The following ZNF460 variants were observed in gnomAD, a reference collection of about 807,000 sequenced individuals.
The protein encoded by ZNF460 is zinc finger protein 460.
A neutral mutation model predicts 8.4 loss-of-function variants in ZNF460; 1 was observed. The observed-to-expected ratio is 0.12, with a 90% CI of 0.04 to 0.56. The LOEUF is 0.56. Ranked by LOEUF, ZNF460 falls within the 20% of genes least tolerant of loss-of-function variation. The probability of loss-of-function intolerance (pLI) is 0.91; values close to 1 mark genes in which losing one functional copy is unlikely to be tolerated. For missense variants in ZNF460, 477 were observed against 714.8 expected (o/e 0.67, Z 3.79); for synonymous variants, 262 against 259.9 (o/e 1.01, Z -0.08).
At chr19:57,281,190 C>T (rs368592849) in intron 1 of ZNF460, among the ~76,000 whole-genome samples, 2 of 152,184 alleles carry the variant, frequency 1.3e-5, no homozygotes, top group African/African-American at 2.4e-5. Context: ...AGCCACCAAC[C>T]TGACCGTGCA....
At position 57,287,018 on chromosome 19, in the gene ZNF460, A is replaced by G. The variant is rs191682320; in HGVS notation, c.157+2341A>G. On this transcript the variant is annotated intron_variant, in intron 2 of 2. Transcript: ENST00000360338. Reference sequence around the variant, plus strand: ...TGAATTTTTGCTTATGTATAAACCCAAGTAACTACCACCTACATCAATACA... The same window carrying G: ...TGAATTTTTGCTTATGTATAAACCCGAGTAACTACCACCTACATCAATACA... 1.3e-3 allele frequency among the ~76,000 whole-genome samples: 190 copies of G among 151,696 alleles called. 1 individual carries two copies. The highest frequency in any genetic ancestry group is 4.0e-3 in the African/African-American group (166 of 41,336).
chr19:57,288,244 C>A (rs2087892952), intron 2 of ZNF460, among the ~76,000 whole-genome samples: 1 of 152,178 alleles, frequency 6.6e-6, no homozygotes, highest in Non-Finnish European at 1.5e-5. Context: ...CCTCTGTCGC[C>A]CAGGCTGGAG....
chr19:57,283,312 G>A (rs2087854059), intron 1 of ZNF460, among the ~76,000 whole-genome samples: 1 of 151,642 alleles, frequency 6.6e-6, no homozygotes, highest in Non-Finnish European at 1.5e-5. Flanking sequence ...TAGGACTACA[G>A]GCACACACTA....
rs184976105 is a variant in ZNF460, at chr19:57,282,331, C to T, written c.30+1495C>T. ...TAATCTCCAGATGGGCCCATATTGT[C>T]TTGGCTACAACCTGCTGTGCCCTCT... On this transcript the variant is annotated intron_variant, in intron 1 of 2. Transcript: ENST00000360338. Among the ~76,000 whole-genome samples, 33 of 152,300 alleles carry T rather than the reference C, an allele frequency of 2.2e-4. No individual in the cohort carries two copies. The East Asian group carries it at 6.2e-3, about 29-fold the overall frequency.
At chr19:57,283,504 T>A (rs936218568) in intron 1 of ZNF460, among the ~76,000 whole-genome samples, 1 of 81,628 alleles carries the variant, frequency 1.2e-5, no homozygotes, top group Non-Finnish European at 2.6e-5. Flanking sequence ...TGACTATTCT[T>A]TTTTTTTTTT....
intron 1 of ZNF460, among the ~76,000 whole-genome samples, chr19:57,283,215 G>A (rs569926875): frequency 2.0e-5 from 3 of 151,716 alleles, no homozygotes; most frequent in African/African-American, 7.3e-5. Context: ...CTGTTGCCAG[G>A]CTGGAGTTCA....
chr19:57,290,558 A>G lies in ZNF460; in HGVS notation c.158-141A>G. ...CTCCCAAAGTGCTGGGATTACAGGG[A>G]TGAGCCACTGTACCCAGCCCATCAA... On this transcript the variant is annotated intron_variant, in intron 2 of 2. Coordinates refer to ENST00000360338, the MANE Select transcript of ZNF460 (RefSeq NM_006635.4). 4.7e-6 allele frequency: 4 copies of G among 842,346 alleles called. No individual in the cohort carries two copies. The South Asian group carries it at 7.8e-5, about 16-fold the overall frequency. The allele number at this position is 842,346 out of a possible 1,614,324, so 52.2% of individuals were successfully genotyped here.
At position 57,290,422 on chromosome 19, in the gene ZNF460, C is replaced by T. The variant is rs1022330948; in HGVS notation, c.158-277C>T. Among the ~76,000 whole-genome samples the T allele has an allele frequency of 4.6e-5, 7 of 152,092 alleles. No individual in the cohort carries two copies. In the East Asian group the frequency reaches 5.9e-4, roughly 13 times the overall value. ...CCTCCCCAGTCGCTGGGATTATAGC[C>T]GCCCGCCACCATGCCTGGCTAATTT... On this transcript the variant is annotated intron_variant, in intron 2 of 2. Transcript: ENST00000360338.
chr19:57,281,556 A>ATTTTTTTTTTTTTTTTTTTTTTTTT (rs71293946), intron 1 of ZNF460, among the ~76,000 whole-genome samples: 2 of 85,042 alleles, frequency 2.4e-5, no homozygotes, highest in Non-Finnish European at 4.4e-5. Flanking sequence ...TAACCCTGAA[A>ATTTTTTTTTTTTTTTTTTTTTTTTT]TTTTTTTTTT....
At chr19:57,286,003 T>G (rs1189822927) in intron 2 of ZNF460, among the ~76,000 whole-genome samples, 1 of 152,218 alleles carries the variant, frequency 6.6e-6, no homozygotes, top group African/African-American at 2.4e-5. Flanking sequence ...TTAATTTTCT[T>G]TTTAGAATTT....
At chr19:57,283,543 C>G (rs2087856507) in intron 1 of ZNF460, among the ~76,000 whole-genome samples, 1 of 120,474 alleles carries the variant, frequency 8.3e-6, no homozygotes, top group Non-Finnish European at 1.6e-5. Context: ...GAGGCTCGCT[C>G]TGTTCTGGAG....
At position 57,288,008 on chromosome 19, in the gene ZNF460, A is replaced by G. The variant is rs374681366; in HGVS notation, c.158-2691A>G. Reference sequence around the variant, plus strand: ...CATCTCAAAAAAACAAACAAACAAAAAAAACCATCATTTCATTTTACTGTT... The same window carrying G: ...CATCTCAAAAAAACAAACAAACAAAGAAAACCATCATTTCATTTTACTGTT... On this transcript the variant is annotated intron_variant, in intron 2 of 2. Transcript: ENST00000360338. Among the ~76,000 whole-genome samples the G allele has an allele frequency of 7.6e-4, 116 of 152,200 alleles. 1 individual carries two copies. Among genetic ancestry groups the G allele is most frequent in the African/African-American group, 2.7e-3 (114 of 41,530 alleles).
intron 2 of ZNF460, among the ~76,000 whole-genome samples, chr19:57,289,256 C>G (rs976224072): frequency 2.0e-5 from 3 of 152,140 alleles, no homozygotes; most frequent in African/African-American, 7.2e-5. Context: ...CCTAGGAGCT[C>G]TGTCCTAAGA....
intron 1 of ZNF460, among the ~76,000 whole-genome samples, chr19:57,281,359 C>T (rs1404915155): frequency 6.6e-6 from 1 of 152,024 alleles, no homozygotes; most frequent in Non-Finnish European, 1.5e-5. Context: ...AAAGTGGCAC[C>T]TTACACCCTT....
At position 57,284,406 on chromosome 19, in the gene ZNF460, T is replaced by C. The variant is rs73936615; in HGVS notation, c.31-145T>C. On this transcript the variant is annotated intron_variant, in intron 1 of 2. Transcript: ENST00000360338. ...AAGGCAGTGTCCACATTCCCCTTGA[T>C]CCTAGCACAGATCTTGGCCCTTTGG... 3,073 of 1,003,514 alleles carry C rather than the reference T, an allele frequency of 3.1e-3. 63 individuals are homozygous for C. The African/African-American group carries it at 0.044, about 14-fold the overall frequency. 62.2% of individuals were successfully genotyped at this position (1,003,514 alleles called of 1,614,324 possible).
chr19:57,284,183 C>T (rs2087862123), intron 1 of ZNF460, among the ~76,000 whole-genome samples: 3 of 151,184 alleles, frequency 2.0e-5, no homozygotes, highest in African/African-American at 7.3e-5. Context: ...TGGCTTCCTG[C>T]CTAGGAGGCT....
chr19:57,291,935 G>A lies in ZNF460; in HGVS notation c.1394G>A (p.Arg465Gln). ...TTTTGTCGGACCACAAACCTGATTC[G>A]ACACTTTAGCATCCACACTGGAGAG... Reference protein sequence around the residue: ...KAFCRTTNLIRHFSIHTGEKP... With the variant: ...KAFCRTTNLIQHFSIHTGEKP... Residue 465 changes from arginine (R) to glutamine (Q), a missense_variant, in exon 3 of 3, where the codon CGA (arginine) becomes CAA (glutamine). By Grantham distance (43) the Arg-to-Gln change is conservative. Coordinates refer to ENST00000360338, the MANE Select transcript of ZNF460 (RefSeq NM_006635.4). The surrounding 1 kb of genome is among the most constrained non-coding windows in gnomAD (Gnocchi z 8.4). The A allele has an allele frequency of 6.2e-7, 1 of 1,613,314 alleles. No individual in the cohort carries two copies. Among genetic ancestry groups the A allele is most frequent in the Non-Finnish European group, 8.5e-7 (1 of 1,179,786 alleles).
rs1010409183 is a variant in ZNF460 at position 57,283,151 on chromosome 19, T to G, written c.31-1400T>G. On this transcript the variant is annotated intron_variant, in intron 1 of 2. Coordinates refer to ENST00000360338, the MANE Select transcript of ZNF460 (RefSeq NM_006635.4). ...TTTGCCTCAGTGTTTGTTTGTTTTT[T>G]TTTTTTTTTACAAACAGTTTTTCTT... 2.7e-3 allele frequency among the ~76,000 whole-genome samples: 408 copies of G among 151,750 alleles called. 2 individuals carry two copies. The highest frequency in any genetic ancestry group is 0.017 in the Middle Eastern group (5 of 294).
rs769893215 is a variant in ZNF460, at chr19:57,290,908, A to G, written c.367A>G (p.Ser123Gly). 4 of 1,614,208 alleles carry G rather than the reference A, an allele frequency of 2.5e-6. No homozygotes were observed. The South Asian group carries it at 4.4e-5, about 18-fold the overall frequency. ...PQSEKLHGKMSLEHEGLATAD... is the reference protein window; with the variant it reads ...PQSEKLHGKMGLEHEGLATAD... ...GAGTGAGAAACTCCATGGGAAAATGAGCCTTGAACACGAAGGTTTGGCGAC... is the reference window on the plus strand; with the variant it reads ...GAGTGAGAAACTCCATGGGAAAATGGGCCTTGAACACGAAGGTTTGGCGAC... The change falls in exon 3 of 3, where the codon AGC (serine) becomes GGC (glycine). Residue 123 changes from serine (S) to glycine (G), a missense_variant. Ser to Gly is a moderately conservative substitution (Grantham distance 56). Coordinates refer to ENST00000360338, the MANE Select transcript of ZNF460 (RefSeq NM_006635.4).
Sources: gnomAD v4.1 joint callset for allele counts (sites outside exome capture counted in the v4.1 genomes callset) on GRCh38, gnomAD v4.1.1 for gene constraint, Gnocchi (gnomAD v3.1) non-coding constraint, MANE v1.5 for transcripts, NCBI Gene and HGNC (gene_info 2026-07-23, HGNC 2026-07-21) for gene names.